Variants in RUFY2 observed in about 807,000 individuals in gnomAD.
The protein encoded by RUFY2 is RUN and FYVE domain containing 2.
Under a neutral mutation model 94.4 loss-of-function variants are expected in RUFY2, and 49 were observed. The ratio of observed to expected loss-of-function variants is 0.52; its 90% CI spans 0.41 to 0.66. RUFY2 has a LOEUF of 0.66. RUFY2 is among the 30% of genes least tolerant of loss of function. RUFY2 has a pLI of 0.00. For synonymous variants in RUFY2, 255 were observed against 235.7 expected (o/e 1.08, Z -0.75); for missense variants, 541 against 692.8 (o/e 0.78, Z 2.46).
intron 13 of RUFY2, among the ~76,000 whole-genome samples, chr10:68,366,838 T>TA (rs1300244226): frequency 7.1e-6 from 1 of 140,210 alleles, no homozygotes; most frequent in Non-Finnish European, 1.5e-5. Flanking sequence ...ATTATAATAA[T>TA]ATATAATATA....
intron 13 of RUFY2, among the ~76,000 whole-genome samples, chr10:68,374,163 T>G (rs1220282249): frequency 7.5e-6 from 1 of 132,596 alleles, no homozygotes; most frequent in Non-Finnish European, 1.6e-5. Flanking sequence ...AAGCCAGGGA[T>G]GGTGGCTCAC....
At chr10:68,363,933 A>G (rs942681446) in intron 14 of RUFY2, 51 bp downstream of exon 14, 12 of 1,357,750 alleles carry the variant, frequency 8.8e-6, no homozygotes, top group African/African-American at 1.5e-5. Context: ...ATCTTTTTAA[A>G]TAAGTTAACA....
In RUFY2 at chr10:68,381,545, AAAT is replaced by A. The variant is rs1422972228; in HGVS notation, c.940-149_940-147del. The A allele has an allele frequency of 1.2e-5, 8 of 686,506 alleles. No individual in the cohort carries two copies. In the Admixed American group the frequency reaches 1.9e-4, roughly 16 times the overall value. 42.5% of individuals were successfully genotyped at this position (686,506 alleles called of 1,614,324 possible). ...CAACCAGGCCCTATAACAAGGCAAT[AAAT>A]ATTTTGAAATGCAGGGCCAGGCGCA... On this transcript the variant is annotated intron_variant, in intron 10 of 17. Coordinates refer to ENST00000602465, the MANE Select transcript of RUFY2 (RefSeq NM_001330103.2).
chr10:68,397,822 A>G (rs1457283852), intron 3 of RUFY2, among the ~76,000 whole-genome samples: 2 of 151,872 alleles, frequency 1.3e-5, no homozygotes, highest in East Asian at 3.9e-4. Flanking sequence ...TTAGCCCTCT[A>G]AAAATAAATA....
intron 4 of RUFY2, 52 bp downstream of exon 4, chr10:68,396,728 C>T: frequency 8.7e-7 from 1 of 1,150,740 alleles, no homozygotes. Flanking sequence ...TTTTGGAAGA[C>T]AGCATATAAA....
chr10:68,387,429 T>G (rs756531907), intron 7 of RUFY2, among the ~76,000 whole-genome samples: 1 of 152,170 alleles, frequency 6.6e-6, no homozygotes, highest in African/African-American at 2.4e-5. Flanking sequence ...AAATGTAATA[T>G]TCTATATGTA....
chr10:68,352,946 A>C (rs1206872830), intron 16 of RUFY2, among the ~76,000 whole-genome samples: 1 of 151,644 alleles, frequency 6.6e-6, no homozygotes, highest in African/African-American at 2.4e-5. Context: ...GCAATTATTA[A>C]CTCCAGAGGA....
At chr10:68,346,192 A>G in intron 16 of RUFY2, 108 bp from the exon 17 acceptor site, 1 of 788,254 alleles carries the variant, frequency 1.3e-6, no homozygotes, top group Non-Finnish European at 2.0e-6. Context: ...TGAAGAATGG[A>G]AAATAAGTTA....
chr10:68,350,155 G>A lies in RUFY2; in HGVS notation c.1600-4071C>T, dbSNP rs370186219. ...CTCCCAAGTAGCTGGGACTACAGGC[G>A]CACACCACCATGCCTGGCTAATTTT... On this transcript the variant is annotated intron_variant, in intron 16 of 17. Coordinates refer to ENST00000602465, the MANE Select transcript of RUFY2 (RefSeq NM_001330103.2). Among the ~76,000 whole-genome samples, 112 of 151,922 alleles carry A rather than the reference G, an allele frequency of 7.4e-4. 2 individuals are homozygous for A. The highest frequency in any genetic ancestry group is 2.5e-3 in the South Asian group (12 of 4,786).
intron 7 of RUFY2, among the ~76,000 whole-genome samples, chr10:68,387,228 G>T (rs901393493): frequency 1.3e-5 from 2 of 151,968 alleles, no homozygotes; most frequent in African/African-American, 4.8e-5. Context: ...GTGGTGGCGG[G>T]CGTCTGTAAT....
downstream of RUFY2, chr10:68,341,887 T>C (rs1178271056): frequency 1.3e-6 from 2 of 1,590,244 alleles, no homozygotes; most frequent in Admixed American, 1.7e-5. Flanking sequence ...TTAGTCCGCA[T>C]ATGTAGTGCA....
intron 16 of RUFY2, among the ~76,000 whole-genome samples, chr10:68,348,183 G>T (rs981413075): frequency 6.7e-6 from 1 of 148,674 alleles, no homozygotes; most frequent in Non-Finnish European, 1.5e-5. Flanking sequence ...TTGAATCATA[G>T]AATTTTTTTT....
chr10:68,366,696 C>T (rs1361678247), intron 13 of RUFY2, among the ~76,000 whole-genome samples: 4 of 143,360 alleles, frequency 2.8e-5, no homozygotes, highest in African/African-American at 7.7e-5. Flanking sequence ...GAGCTAAAAT[C>T]GCACCATTGC....
At chr10:68,405,743 T>C in intron 1 of RUFY2, 1 of 978,366 alleles carries the variant, frequency 1.0e-6, no homozygotes, top group Non-Finnish European at 1.2e-6. Flanking sequence ...ATTCTGACTG[T>C]AGTTCTGTAT....
chr10:68,363,747 T>C, intron 14 of RUFY2, 63 bp from the exon 15 acceptor site: 4 of 1,055,724 alleles, frequency 3.8e-6, no homozygotes, highest in South Asian at 3.1e-5. Context: ...CTCCAGATTG[T>C]ACATATACCA....
intron 16 of RUFY2, among the ~76,000 whole-genome samples, chr10:68,348,938 TG>T (rs1327090893): frequency 6.6e-6 from 1 of 152,166 alleles, no homozygotes; most frequent in Non-Finnish European, 1.5e-5. Context: ...AATTTTTCTC[TG>T]CCCAATTCCA....
intron 15 of RUFY2, 65 bp downstream of exon 15, chr10:68,363,525 T>G: frequency 9.6e-7 from 1 of 1,038,588 alleles, no homozygotes; most frequent in Non-Finnish European, 1.4e-6. Flanking sequence ...CTAATAGATT[T>G]GGCACACTTA....
downstream of RUFY2, chr10:68,342,819 A>G (rs914984307): frequency 6.6e-6 from 1 of 152,612 alleles, no homozygotes; most frequent in Admixed American, 6.5e-5. Flanking sequence ...ACAAGAATTC[A>G]GTATTAAGTA....
chr10:68,388,747 G>A (rs1375779508), intron 7 of RUFY2, among the ~76,000 whole-genome samples: 3 of 148,972 alleles, frequency 2.0e-5, no homozygotes. Context: ...GAGGTAGGAG[G>A]ATCGCTTGAG....
Sources: gnomAD v4.1 joint callset for allele counts (sites outside exome capture counted in the v4.1 genomes callset) on GRCh38, gnomAD v4.1.1 for gene constraint, MANE v1.5 for transcripts, NCBI Gene and HGNC (gene_info 2026-07-23, HGNC 2026-07-21) for gene names.